The following ZNF540 variants were observed in gnomAD, a reference collection of about 807,000 sequenced individuals.
The protein encoded by ZNF540 is zinc finger protein 540, also known as CTD-3064H18.6.
ZNF540 carries 3 observed loss-of-function variants against 11.8 expected under a neutral mutation model. That is an observed-to-expected ratio of 0.25 (90% CI 0.12 to 0.65). The LOEUF (loss-of-function observed/expected upper bound fraction) is 0.65, where lower values mean the gene tolerates loss of function less well. Among genes scored for constraint, ZNF540 ranks in the 30% least tolerant of loss-of-function variants. ZNF540 has a pLI of 0.83. For missense variants in ZNF540, 709 were observed against 793.1 expected, an observed-to-expected ratio of 0.89 and a Z score of 1.27; for synonymous variants, 247 against 259.0, an observed-to-expected ratio of 0.95 and a Z score of 0.45.
chr19:37,565,706 T>C (rs2042831092), intron 1 of ZNF540: 1 of 1,613,854 alleles, frequency 6.2e-7, no homozygotes, highest in Non-Finnish European at 8.5e-7. Flanking sequence ...AACTCTCTGA[T>C]GTTCAGTGAG....
At chr19:37,586,350 C>T in intron 1 of ZNF540, 1 of 302,280 alleles carries the variant, frequency 3.3e-6, no homozygotes, top group Non-Finnish European at 6.0e-6. Context: ...ACACTCATCT[C>T]TACCTCACCA....
At chr19:37,576,042 T>TACACACACACACAC (rs34837052) in intron 1 of ZNF540, among the ~76,000 whole-genome samples, 1 of 148,846 alleles carries the variant, frequency 6.7e-6, no homozygotes, top group African/African-American at 2.5e-5. Flanking sequence ...CATACATGCA[T>TACACACACACACAC]ACACACACAC....
Position 37,611,551 on chromosome 19 carries a change from G to C in ZNF540, c.271G>C (p.Glu91Gln). Residue 91 changes from glutamate to glutamine, a missense_variant, in exon 5 of 5, where the codon GAA becomes CAA. Glu to Gln is a conservative substitution (Grantham distance 29). Transcript: ENST00000316433. ...SRHKTKKLSS[E>Q]KDIHEISLSK... is the part of the protein sequence containing the mutation. ...GCATAAGACCAAGAAATTATCTTCA[G>C]AAAAGGACATTCATGAAATCAGTTT... The C allele has an allele frequency of 6.2e-7, 1 of 1,605,882 alleles. No homozygotes were observed. The highest frequency in any genetic ancestry group is 8.5e-7 in the Non-Finnish European group (1 of 1,176,950).
intron 1 of ZNF540, among the ~76,000 whole-genome samples, chr19:37,558,456 GGTCCT>G (rs1453908974): frequency 6.6e-6 from 1 of 151,998 alleles, no homozygotes; most frequent in Admixed American, 6.6e-5. Context: ...CTCTAAAAAC[GGTCCT>G]GGTGACTCAT....
At chr19:37,605,464 A>G (rs866444852) in intron 4 of ZNF540, among the ~76,000 whole-genome samples, 60 of 152,278 alleles carry the variant, frequency 3.9e-4, no homozygotes, top group African/African-American at 1.0e-3. Flanking sequence ...CCTGACCAAC[A>G]TGGTGAAACC....
intron 1 of ZNF540, chr19:37,564,949 TTGA>T (rs1194351547): frequency 1.9e-6 from 3 of 1,613,742 alleles, no homozygotes; most frequent in Non-Finnish European, 2.5e-6. Flanking sequence ...TATGAATTCT[TTGA>T]TGATATGTAA....
intron 3 of ZNF540, among the ~76,000 whole-genome samples, chr19:37,600,701 CAT>C (rs2044032548): frequency 6.6e-6 from 1 of 152,184 alleles, no homozygotes; most frequent in African/African-American, 2.4e-5. Flanking sequence ...TTTGGACCCA[CAT>C]AGTCTGGCTT....
chr19:37,606,882 A>G (rs1481386341), intron 4 of ZNF540, among the ~76,000 whole-genome samples: 1 of 152,094 alleles, frequency 6.6e-6, no homozygotes. Context: ...TTGCAGTACA[A>G]ATATTTTTCA....
intron 1 of ZNF540, among the ~76,000 whole-genome samples, chr19:37,579,196 C>G (rs2043356612): frequency 6.6e-6 from 1 of 152,226 alleles, no homozygotes; most frequent in Non-Finnish European, 1.5e-5. Flanking sequence ...TCCCACCTCC[C>G]CACATCATAG....
Position 37,613,015 on chromosome 19 carries a change from T to G in ZNF540, c.1735T>G (p.Tyr579Asp). The G allele has an allele frequency of 3.1e-6, 5 of 1,614,150 alleles. No individual in the cohort carries two copies. Among genetic ancestry groups the G allele is most frequent in the Non-Finnish European group, 4.2e-6 (5 of 1,180,008 alleles). The change falls in exon 5 of 5, where the codon TAC (tyrosine) becomes GAC (aspartate). Residue 579 changes from tyrosine (Y) to aspartate (D), a missense_variant. Physicochemically the swap from Tyr to Asp is radical, Grantham distance 160. Coordinates refer to ENST00000316433, the MANE Select transcript of ZNF540 (RefSeq NM_001172225.3). ...HQKIHTGVKP[Y>D]KCKECGKAFS... ...GAAAATTCATACGGGTGTAAAACCA[T>G]ACAAATGTAAAGAATGTGGGAAGGC... is the stretch of plus-strand genomic sequence containing the variant.
At chr19:37,608,149 T>A (rs2044098962) in intron 4 of ZNF540, among the ~76,000 whole-genome samples, 1 of 152,248 alleles carries the variant, frequency 6.6e-6, no homozygotes, top group Admixed American at 6.5e-5. Context: ...CTCATTTTCC[T>A]CCTTCTGGTA....
At chr19:37,598,125 G>A (rs2044010432) in intron 1 of ZNF540, among the ~76,000 whole-genome samples, 1 of 152,166 alleles carries the variant, frequency 6.6e-6, no homozygotes, top group Admixed American at 6.5e-5. Flanking sequence ...TCCTCATAGT[G>A]GGGATTGGCC....
At chr19:37,609,524 G>A (rs1010626884) in intron 4 of ZNF540, among the ~76,000 whole-genome samples, 3 of 151,696 alleles carry the variant, frequency 2.0e-5, no homozygotes, top group Non-Finnish European at 2.9e-5. Flanking sequence ...CAGCCTGGGC[G>A]ACAGTGCAAG....
intron 4 of ZNF540, among the ~76,000 whole-genome samples, chr19:37,603,279 G>GT (rs376572093): frequency 6.6e-6 from 1 of 152,088 alleles, no homozygotes; most frequent in Admixed American, 6.6e-5. Context: ...AGTGCTGGGC[G>GT]TGAGCCACCA....
intron 1 of ZNF540, among the ~76,000 whole-genome samples, chr19:37,579,315 G>GCCCCA (rs1256004847): frequency 1.3e-5 from 2 of 152,146 alleles, no homozygotes; most frequent in Non-Finnish European, 2.9e-5. Flanking sequence ...GGAACTACTT[G>GCCCCA]CCCCATTCCA....
chr19:37,600,963 G>A (rs2044034369), intron 3 of ZNF540, 47 bp from the exon 4 acceptor site: 2 of 1,451,544 alleles, frequency 1.4e-6, no homozygotes, highest in East Asian at 2.5e-5. Context: ...TTCTGAATGT[G>A]CAATGTTTTA....
chr19:37,607,576 G>A (rs189847243), intron 4 of ZNF540, among the ~76,000 whole-genome samples: 6 of 152,184 alleles, frequency 3.9e-5, no homozygotes, highest in African/African-American at 1.4e-4. Context: ...ATAGTATGTA[G>A]CCTTTTCAGA....
intron 1 of ZNF540, chr19:37,555,035 G>A (rs1061753): frequency 0.26 from 39,624 of 152,138 alleles, 6,340 homozygotes; most frequent in Non-Finnish European, 0.37. Context: ...GGCTTTGGGC[G>A]TTATCAATCA....
chr19:37,613,791 C>A lies in ZNF540; in HGVS notation c.*528C>A. 1 of 398,622 alleles carries A rather than the reference C, an allele frequency of 2.5e-6. No homozygotes were observed. The highest frequency in any genetic ancestry group is 4.4e-6 in the Non-Finnish European group (1 of 226,098). The allele number at this position is 398,622 out of a possible 1,614,324, so 24.7% of individuals were successfully genotyped here. On this transcript the variant is annotated 3_prime_UTR_variant, in exon 5 of 5. Transcript: ENST00000316433. ...CTTCTTTGATAAAATCTGTTATGGG[C>A]TGAATGTTTGTGTTCCCGTAACAAT...
Sources: allele counts gnomAD v4.1 joint callset (sites outside exome capture counted in the v4.1 genomes callset), GRCh38; gene constraint gnomAD v4.1.1; transcripts MANE v1.5; gene names NCBI Gene and HGNC (gene_info 2026-07-23, HGNC 2026-07-21).